TNMD: variants seen among roughly 807,000 people sequenced by gnomAD.
TNMD encodes tenomodulin, also known as BRICHOS domain containing 4.
A neutral mutation model predicts 26.9 loss-of-function variants in TNMD; 15 were observed. The ratio of observed to expected loss-of-function variants is 0.56; its 90% CI spans 0.37 to 0.86. The LOEUF (loss-of-function observed/expected upper bound fraction) is 0.86. Among genes scored for constraint, TNMD ranks in the 40% least tolerant of loss-of-function variants. The pLI is 0.00. For synonymous variants in TNMD, 73 were observed against 77.0 expected, an observed-to-expected ratio of 0.95 and a Z score of 0.27; for missense variants, 222 against 242.6, an observed-to-expected ratio of 0.92 and a Z score of 0.56.
chrX:100,585,344 G>A lies in TNMD; in HGVS notation c.162G>A (p.Trp54Ter). The change falls in exon 2 of 7, where the codon TGG becomes TGA. Residue 54 changes from tryptophan (W) to a stop codon, truncating the protein, a stop_gained. Transcript: ENST00000373031. LOFTEE classifies it high-confidence loss of function. Reference protein sequence around the residue: ...IVLFWGSKHFWPEVPKKAYDM... With the variant: ...IVLFWGSKHF ...TGTTTTGGGGGAGCAAGCACTTCTG[G>A]CCGGAGGTACCCAAAAAAGTAAGTA... The A allele has an allele frequency of 8.3e-7, 1 of 1,210,074 alleles. No homozygotes were observed. Among genetic ancestry groups the A allele is most frequent in the Non-Finnish European group, 1.1e-6 (1 of 894,903 alleles).
At chrX:100,593,683 A>G (rs1379868889) in intron 2 of TNMD, 3 of 340,485 alleles carry the variant, frequency 8.8e-6, no homozygotes, top group Non-Finnish European at 1.5e-5. Context: ...CAAGGGGAAA[A>G]TACTTTATAG....
chrX:100,599,757 T>C lies in TNMD; in HGVS notation c.*40T>C, dbSNP rs1443969588. ...TCAAATGCTTAAACTGCTGGCAACA[T>C]ATAATAAATGCATGCTATTCAATGA... On this transcript the variant is annotated 3_prime_UTR_variant, in exon 7 of 7. Transcript: ENST00000373031. The C allele has an allele frequency of 3.5e-6, 4 of 1,135,807 alleles. No individual in the cohort carries two copies. The highest frequency in any genetic ancestry group is 3.7e-5 in the South Asian group (2 of 53,469). 93.6% of individuals were successfully genotyped at this position (1,135,807 alleles called of 1,213,427 possible).
At chrX:100,590,954 C>G (rs772212521) in intron 2 of TNMD, among the ~76,000 whole-genome samples, 1 of 111,711 alleles carries the variant, frequency 9.0e-6, no homozygotes, top group South Asian at 3.8e-4. Context: ...AATTTTTAAA[C>G]AGACAAATAT....
At chrX:100,593,588 G>T in intron 2 of TNMD, 1 of 185,405 alleles carries the variant, frequency 5.4e-6, no homozygotes, top group East Asian at 1.3e-4. Flanking sequence ...GCAGTAAGGG[G>T]GGGGTCGTGA....
intron 2 of TNMD, 85 bp from the exon 3 acceptor site, chrX:100,593,810 C>T: frequency 2.0e-6 from 2 of 1,011,927 alleles, no homozygotes; most frequent in Non-Finnish European, 2.7e-6. Flanking sequence ...CTGAAGGGAT[C>T]CCCATATCAG....
At chrX:100,599,415 T>G (rs2082962402) in intron 6 of TNMD, 93 bp from the exon 7 acceptor site, 7 of 818,172 alleles carry the variant, frequency 8.6e-6, no homozygotes, top group Middle Eastern at 2.8e-4. Flanking sequence ...AGCCCCCAAC[T>G]CATACAGTCT....
chrX:100,592,048 C>T (rs1039426956), intron 2 of TNMD, among the ~76,000 whole-genome samples: 17 of 111,401 alleles, frequency 1.5e-4, no homozygotes, highest in Admixed American at 7.6e-4. Flanking sequence ...AGTCTCTAAC[C>T]TCATTTTTCC....
chrX:100,596,571 C>A (rs922748230), intron 4 of TNMD, among the ~76,000 whole-genome samples: 2 of 110,985 alleles, frequency 1.8e-5, no homozygotes, highest in Non-Finnish European at 3.8e-5. Flanking sequence ...TAATTCCCTC[C>A]ACACTGTATC....
intron 2 of TNMD, among the ~76,000 whole-genome samples, chrX:100,591,189 A>G (rs1031172903): frequency 9.0e-6 from 1 of 111,438 alleles, no homozygotes; most frequent in Non-Finnish European, 1.9e-5. Flanking sequence ...CTATTTTCCA[A>G]TTGGGCAGGG....
At chrX:100,594,527 GC>G (rs1354895004) in intron 4 of TNMD, among the ~76,000 whole-genome samples, 165 bp downstream of exon 4, 2 of 111,519 alleles carry the variant, frequency 1.8e-5, no homozygotes, top group East Asian at 5.6e-4. Flanking sequence ...AGAACTCAGA[GC>G]CAAAAAGTGA....
intron 2 of TNMD, among the ~76,000 whole-genome samples, chrX:100,591,688 C>A (rs2082938313): frequency 9.0e-6 from 1 of 111,722 alleles, no homozygotes; most frequent in Non-Finnish European, 1.9e-5. Flanking sequence ...AGGATTCACA[C>A]ATAAACGAAG....
In TNMD at chrX:100,597,518, C is replaced by T. The variant is rs775309826; in HGVS notation, c.438C>T (p.Thr146=). 2.6e-5 allele frequency: 31 copies of T among 1,209,957 alleles called. No homozygotes were observed. The highest frequency in any genetic ancestry group is 3.5e-5 in the Non-Finnish European group (31 of 895,153). ...EEEIDENEEI[T]TTFFEQSVIW... Reference sequence around the variant, plus strand: ...TCTTCTTTCAGAATGAAGAAATTACCACAACTTTCTTTGAACAGTCAGTGA... The same window carrying T: ...TCTTCTTTCAGAATGAAGAAATTACTACAACTTTCTTTGAACAGTCAGTGA... The change falls in exon 5 of 7, where the codon ACC becomes ACT. Residue 146 remains threonine (T), a synonymous_variant. Coordinates refer to ENST00000373031, the MANE Select transcript of TNMD (RefSeq NM_022144.3).
chrX:100,593,585 G>C (rs1312486027), intron 2 of TNMD: 4 of 171,120 alleles, frequency 2.3e-5, no homozygotes, highest in East Asian at 3.0e-4. Flanking sequence ...GGGGCAGTAA[G>C]GGGGGGGTCG....
Position 100,594,027 on chromosome X carries a change from T to C in TNMD, c.313T>C (p.Phe105Leu). 2 of 1,208,941 alleles carry C rather than the reference T, an allele frequency of 1.7e-6. No homozygotes were observed. The highest frequency in any genetic ancestry group is 2.2e-6 in the Non-Finnish European group (2 of 893,993). ...TGATGAAACATTGGAAGTGCACGAC[T>C]TTAAAAACGTAAGTTGGATGTTTTC... ...GTDETLEVHDFKNGYTGIYFV... is the reference protein window; with the variant it reads ...GTDETLEVHDLKNGYTGIYFV... Residue 105 changes from phenylalanine to leucine, a missense_variant, in exon 3 of 7, where the codon TTT becomes CTT. By Grantham distance (22) the Phe-to-Leu change is conservative. Transcript: ENST00000373031.
intron 2 of TNMD, among the ~76,000 whole-genome samples, chrX:100,589,728 C>G (rs966278776): frequency 9.0e-6 from 1 of 111,234 alleles, no homozygotes; most frequent in Non-Finnish European, 1.9e-5. Flanking sequence ...ACAGGTTGAT[C>G]TGAGCAAATC....
chrX:100,595,845 G>A (rs1470244273), intron 4 of TNMD, among the ~76,000 whole-genome samples: 5 of 111,649 alleles, frequency 4.5e-5, no homozygotes, highest in African/African-American at 9.8e-5. Flanking sequence ...ATAGATCGAC[G>A]TTCAGGATAT....
At chrX:100,593,575 G>A (rs1026703393) in intron 2 of TNMD, 9 of 171,283 alleles carry the variant, frequency 5.3e-5, no homozygotes, top group East Asian at 4.9e-4. Context: ...GGTGAGGGGC[G>A]GGGCAGTAAG....
At chrX:100,598,442 T>C (rs1417203229) in intron 5 of TNMD, among the ~76,000 whole-genome samples, 1 of 112,100 alleles carries the variant, frequency 8.9e-6, no homozygotes, top group Admixed American at 9.4e-5. Flanking sequence ...ATAAAGTCTG[T>C]AGTTTAGTTA....
intron 2 of TNMD, among the ~76,000 whole-genome samples, chrX:100,590,098 A>G (rs1207254665): frequency 1.8e-5 from 2 of 112,366 alleles, no homozygotes; most frequent in Non-Finnish European, 3.8e-5. Flanking sequence ...ATAAGGAACA[A>G]TCTGTCTGCT....
Sources: allele counts gnomAD v4.1 joint callset (sites outside exome capture counted in the v4.1 genomes callset), GRCh38; gene constraint gnomAD v4.1.1; transcripts MANE v1.5; gene names NCBI Gene and HGNC (gene_info 2026-07-23, HGNC 2026-07-21).